The following PLCG2 variants were observed in gnomAD, a reference collection of about 807,000 sequenced individuals.
PLCG2 encodes phospholipase C gamma 2.
In PLCG2, 69 loss-of-function variants were observed where a neutral mutation model predicts 175.6. The observed-to-expected ratio is 0.39, with a 90% CI of 0.32 to 0.48. The LOEUF is 0.48. PLCG2 is among the 20% of genes least tolerant of loss of function. PLCG2 has a pLI of 0.91. For missense variants in PLCG2, 1,798 were observed against 1,650.9 expected, an observed-to-expected ratio of 1.09 and a Z score of -1.54; for synonymous variants, 827 against 624.0, an observed-to-expected ratio of 1.33 and a Z score of -4.85.
At chr16:81,806,645 G>C (rs1051114375) in intron 2 of PLCG2, among the ~76,000 whole-genome samples, 1 of 152,010 alleles carries the variant, frequency 6.6e-6, no homozygotes, top group African/African-American at 2.4e-5. Context: ...AGTTGTAACT[G>C]AGTAAATTTT....
intron 2 of PLCG2, among the ~76,000 whole-genome samples, chr16:81,789,745 T>C (rs1167062636): frequency 6.6e-6 from 1 of 152,088 alleles, no homozygotes. Flanking sequence ...TTCACACATA[T>C]GCCACTGGAG....
intron 1 of PLCG2, 27 bp from the exon 2 acceptor site, chr16:81,785,916 G>A (rs184923289): frequency 4.9e-5 from 69 of 1,400,026 alleles, no homozygotes; most frequent in Admixed American, 3.8e-5. Flanking sequence ...ACTAAAATCA[G>A]TTCACTCTTT....
At chr16:81,889,151 C>A in intron 9 of PLCG2, 21 bp from the exon 10 acceptor site, 2 of 1,456,584 alleles carry the variant, frequency 1.4e-6, no homozygotes, top group Non-Finnish European at 1.9e-6. Context: ...GCTGATCTCT[C>A]GTTCTCTTTG....
intron 27 of PLCG2, among the ~76,000 whole-genome samples, chr16:81,937,113 C>G (rs1263564761): frequency 2.0e-5 from 3 of 152,230 alleles, no homozygotes; most frequent in African/African-American, 7.2e-5. Flanking sequence ...CTGAGGAAAA[C>G]CACTGAAGAC....
chr16:81,875,854 A>G (rs1165065558), intron 7 of PLCG2, among the ~76,000 whole-genome samples: 4 of 152,098 alleles, frequency 2.6e-5, no homozygotes, highest in East Asian at 1.9e-4. Flanking sequence ...CGGATTTTAC[A>G]TGGGTGTGAG....
intron 30 of PLCG2, among the ~76,000 whole-genome samples, chr16:81,941,379 T>G (rs932800877): frequency 2.0e-5 from 3 of 152,166 alleles, no homozygotes; most frequent in African/African-American, 7.2e-5. Context: ...CACCACAGGG[T>G]GATGAGTCAG....
At chr16:81,754,226 T>C (rs1038074051) in intron 1 of PLCG2, among the ~76,000 whole-genome samples, 2 of 151,058 alleles carry the variant, frequency 1.3e-5, no homozygotes, top group South Asian at 4.2e-4. Context: ...GGGGAAACTC[T>C]GCCCTTCTCC....
Position 81,870,601 on chromosome 16 carries a change from A to T in PLCG2, c.565-251A>T, listed in dbSNP as rs144877284. ...TTTTCCCAGACAGGGGGATTAGGGA[A>T]CGTGTGGAGGGTTTTGATTCAGAGG... On this transcript the variant is annotated intron_variant, in intron 6 of 32. Transcript: ENST00000564138. Among the ~76,000 whole-genome samples the T allele has an allele frequency of 2.3e-3, 344 of 152,232 alleles. 1 individual carries two copies. The highest frequency in any genetic ancestry group is 8.0e-3 in the African/African-American group (333 of 41,552).
At chr16:81,936,965 A>G (rs1178443531) in intron 27 of PLCG2, among the ~76,000 whole-genome samples, 2 of 152,132 alleles carry the variant, frequency 1.3e-5, no homozygotes, top group Non-Finnish European at 2.9e-5. Flanking sequence ...ATTCCCCATT[A>G]TTTGCTGTCA....
At chr16:81,917,986 G>C (rs781559932) in intron 19 of PLCG2, among the ~76,000 whole-genome samples, 9 of 152,172 alleles carry the variant, frequency 5.9e-5, no homozygotes, top group Non-Finnish European at 1.0e-4. Context: ...GCCTCCCAAA[G>C]TGCTGGAATT....
chr16:81,931,348 C>T (rs768531017), intron 24 of PLCG2, 149 bp from the exon 25 acceptor site: 113 of 645,328 alleles, frequency 1.8e-4, no homozygotes, highest in African/African-American at 2.9e-4. Flanking sequence ...GTACTTACCC[C>T]GATGGAAAGT....
chr16:81,835,658 G>A (rs1401013900), intron 2 of PLCG2, among the ~76,000 whole-genome samples: 1 of 152,102 alleles, frequency 6.6e-6, no homozygotes, highest in East Asian at 1.9e-4. Flanking sequence ...ACCTATATTA[G>A]TGTCCTGTGG....
Position 81,908,408 on chromosome 16 carries a change from C to T in PLCG2, c.1558-8C>T, listed in dbSNP as rs371117206. 3.2e-5 allele frequency: 51 copies of T among 1,610,666 alleles called. No homozygotes were observed. In the Admixed American group the frequency reaches 3.3e-4, roughly 11 times the overall value. On this transcript the variant is annotated splice_region_variant and splice_polypyrimidine_tract_variant and intron_variant, in intron 16 of 32. Coordinates refer to ENST00000564138, the MANE Select transcript of PLCG2 (RefSeq NM_002661.5). ...CTTTCAGAAACCCCTCCTCTCTTTGCGGCCCAGGATATACCCCCTACAGAA... is the reference window on the plus strand; with the variant it reads ...CTTTCAGAAACCCCTCCTCTCTTTGTGGCCCAGGATATACCCCCTACAGAA...
intron 2 of PLCG2, among the ~76,000 whole-genome samples, chr16:81,797,628 G>T (rs1911529809): frequency 6.6e-6 from 1 of 152,222 alleles, no homozygotes; most frequent in South Asian, 2.1e-4. Context: ...GATGAATCAG[G>T]AAAAGGCCCT....
chr16:81,939,688 C>T (rs1910859398), intron 29 of PLCG2, among the ~76,000 whole-genome samples: 1 of 152,182 alleles, frequency 6.6e-6, no homozygotes, highest in African/African-American at 2.4e-5. Flanking sequence ...CACCAAGGGA[C>T]CAGCCTGCAA....
At chr16:81,818,882 G>GGTTTTTT (rs1567480211) in intron 2 of PLCG2, among the ~76,000 whole-genome samples, 1 of 59,648 alleles carries the variant, frequency 1.7e-5, no homozygotes, top group African/African-American at 8.0e-5. Context: ...TGGGCTCATG[G>GGTTTTTT]ATTTTTTTTT....
intron 30 of PLCG2, among the ~76,000 whole-genome samples, chr16:81,940,953 G>C (rs1910915361): frequency 6.6e-6 from 1 of 152,254 alleles, no homozygotes; most frequent in East Asian, 1.9e-4. Flanking sequence ...CATGAGATAT[G>C]AGATCATAGA....
intron 2 of PLCG2, among the ~76,000 whole-genome samples, chr16:81,763,068 T>C (rs550345343): frequency 1.0e-3 from 156 of 152,232 alleles, no homozygotes; most frequent in African/African-American, 3.6e-3. Flanking sequence ...TAAAAATAAT[T>C]AAATCAACAA....
In PLCG2 at chr16:81,907,310, A is replaced by T. The variant is rs112847188; in HGVS notation, c.1468-375A>T. Among the ~76,000 whole-genome samples the T allele has an allele frequency of 4.7e-3, 719 of 152,234 alleles. 8 individuals carry two copies. Among genetic ancestry groups the T allele is most frequent in the African/African-American group, 0.016 (685 of 41,558 alleles). ...GAGACTAAATTTCATCGGGGGAAAAAAAAAAGAAGTCATTAAGCCACAAAT... is the reference window on the plus strand; with the variant it reads ...GAGACTAAATTTCATCGGGGGAAAATAAAAAGAAGTCATTAAGCCACAAAT... On this transcript the variant is annotated intron_variant, in intron 15 of 32. Coordinates refer to ENST00000564138, the MANE Select transcript of PLCG2 (RefSeq NM_002661.5).
Sources: gnomAD v4.1 joint callset for allele counts (sites outside exome capture counted in the v4.1 genomes callset) on GRCh38, gnomAD v4.1.1 for gene constraint, MANE v1.5 for transcripts, NCBI Gene and HGNC (gene_info 2026-07-23, HGNC 2026-07-21) for gene names.